SLC2A13: variants seen among roughly 807,000 people sequenced by gnomAD.
The protein encoded by SLC2A13 is solute carrier family 2 member 13.
In SLC2A13, 32 loss-of-function variants were observed where a neutral mutation model predicts 64.4. The observed-to-expected ratio is 0.50, with a 90% confidence interval of 0.37 to 0.67. The LOEUF is 0.67. SLC2A13 is among the 30% of genes least tolerant of loss of function. SLC2A13 has a pLI of 0.00. For synonymous variants in SLC2A13, 338 were observed against 327.1 expected (o/e 1.03, Z -0.36); for missense variants, 743 against 829.2 (o/e 0.90, Z 1.28).
chr12:39,830,365 G>C, intron 6 of SLC2A13, 137 bp from the exon 7 acceptor site: 3 of 1,437,154 alleles, frequency 2.1e-6, no homozygotes, highest in Non-Finnish European at 2.7e-6. Flanking sequence ...TTTGGCCAAG[G>C]AAAGTGACAT....
chr12:39,959,827 A>C (rs1344117933), intron 3 of SLC2A13, among the ~76,000 whole-genome samples: 2 of 152,000 alleles, frequency 1.3e-5, no homozygotes, highest in African/African-American at 4.8e-5. Flanking sequence ...ATTTTATTTT[A>C]CTTTAAGTTC....
chr12:39,962,599 C>G (rs935818417), intron 3 of SLC2A13, among the ~76,000 whole-genome samples: 7 of 152,324 alleles, frequency 4.6e-5, no homozygotes, highest in South Asian at 2.1e-4. Context: ...GACAGACACA[C>G]TTGACTGATG....
chr12:40,088,560 T>C (rs78319362), intron 1 of SLC2A13, among the ~76,000 whole-genome samples: 1 of 152,332 alleles, frequency 6.6e-6, no homozygotes, highest in East Asian at 1.9e-4. Context: ...GGAGTTAGTC[T>C]AGCTGTAGAA....
chr12:39,776,561 G>A (rs1234773530), intron 7 of SLC2A13, among the ~76,000 whole-genome samples: 1 of 152,196 alleles, frequency 6.6e-6, no homozygotes, highest in Non-Finnish European at 1.5e-5. Flanking sequence ...GAATGACAGA[G>A]AAGCCTGTAG....
intron 4 of SLC2A13, among the ~76,000 whole-genome samples, chr12:39,931,742 G>A (rs1179534116): frequency 5.3e-5 from 8 of 151,982 alleles, no homozygotes; most frequent in African/African-American, 7.3e-5. Context: ...CAACTAGTAC[G>A]TTAGGAATGG....
chr12:40,063,496 C>T (rs896242954), intron 1 of SLC2A13, among the ~76,000 whole-genome samples: 1 of 151,476 alleles, frequency 6.6e-6, no homozygotes, highest in African/African-American at 2.4e-5. Flanking sequence ...AAAAAAGCAG[C>T]TGCTATGTCT....
At chr12:39,770,274 T>C (rs760200826) in intron 7 of SLC2A13, among the ~76,000 whole-genome samples, 3 of 152,098 alleles carry the variant, frequency 2.0e-5, no homozygotes, top group African/African-American at 7.2e-5. Flanking sequence ...ACTGATGGAA[T>C]TTAGGTACCT....
At chr12:39,948,437 A>T (rs1305463276) in intron 4 of SLC2A13, among the ~76,000 whole-genome samples, 1 of 152,152 alleles carries the variant, frequency 6.6e-6, no homozygotes, top group Non-Finnish European at 1.5e-5. Flanking sequence ...GTCAAATGTG[A>T]CAGAATAGTA....
intron 1 of SLC2A13, among the ~76,000 whole-genome samples, chr12:40,050,288 T>C (rs1379128890): frequency 6.6e-6 from 1 of 152,212 alleles, no homozygotes; most frequent in Admixed American, 6.5e-5. Context: ...TATTTAGCCA[T>C]GTAGCCCCAG....
chr12:40,080,837 A>G (rs895699125), intron 1 of SLC2A13, among the ~76,000 whole-genome samples: 6 of 152,222 alleles, frequency 3.9e-5, no homozygotes, highest in African/African-American at 1.4e-4. Flanking sequence ...GTGGCAGATA[A>G]TAGTATTTCA....
At chr12:39,872,043 A>G in intron 4 of SLC2A13, 82 bp from the exon 5 acceptor site, 1 of 1,238,432 alleles carries the variant, frequency 8.1e-7, no homozygotes, top group Non-Finnish European at 1.1e-6. Context: ...GATGTATTCA[A>G]TTTGAAAAAA....
intron 7 of SLC2A13, among the ~76,000 whole-genome samples, chr12:39,798,681 T>G (rs1334644680): frequency 6.6e-6 from 1 of 152,188 alleles, no homozygotes; most frequent in Non-Finnish European, 1.5e-5. Flanking sequence ...GCTGAAAGAC[T>G]CGTGAGACAG....
intron 4 of SLC2A13, among the ~76,000 whole-genome samples, chr12:39,915,851 T>A (rs1386073188): frequency 1.3e-5 from 2 of 151,946 alleles, no homozygotes; most frequent in East Asian, 3.9e-4. Flanking sequence ...TTATGTCACA[T>A]AAAGAGCTCA....
intron 3 of SLC2A13, among the ~76,000 whole-genome samples, chr12:39,958,274 C>T (rs749306281): frequency 3.9e-5 from 6 of 152,210 alleles, no homozygotes; most frequent in Non-Finnish European, 7.3e-5. Context: ...CTTTCTACTG[C>T]CTGTCTGGCT....
intron 7 of SLC2A13, among the ~76,000 whole-genome samples, chr12:39,771,026 A>G (rs1940547653): frequency 6.6e-6 from 1 of 152,176 alleles, no homozygotes; most frequent in Admixed American, 6.5e-5. Flanking sequence ...TGCTTATGTT[A>G]GAGAACGTAC....
At chr12:39,776,654 A>G (rs1592126725) in intron 7 of SLC2A13, among the ~76,000 whole-genome samples, 1 of 152,142 alleles carries the variant, frequency 6.6e-6, no homozygotes, top group African/African-American at 2.4e-5. Flanking sequence ...TAGAAGAGAA[A>G]CCAAACACAG....
At chr12:39,803,126 C>CCATTGTAA in intron 7 of SLC2A13, among the ~76,000 whole-genome samples, 1 of 151,288 alleles carries the variant, frequency 6.6e-6, no homozygotes, top group African/African-American at 2.4e-5. Context: ...TATAAGGCAG[C>CCATTGTAA]CATTGTAAAT....
chr12:39,997,652 A>G lies in SLC2A13; in HGVS notation c.925+30649T>C, dbSNP rs28740214. On this transcript the variant is annotated intron_variant, in intron 3 of 9. Transcript: ENST00000280871. ...GAGACCATCCTGGCTAACATGGTGA[A>G]ACCCCATCTCTACTAAAAAATACAA... Among the ~76,000 whole-genome samples, 1,463 of 152,222 alleles carry G rather than the reference A, an allele frequency of 9.6e-3. 18 individuals are homozygous for G. Among genetic ancestry groups the G allele is most frequent in the African/African-American group, 0.034 (1,392 of 41,518 alleles).
At chr12:40,028,140 T>G (rs193206781) in intron 3 of SLC2A13, among the ~76,000 whole-genome samples, 161 bp downstream of exon 3, 1 of 151,936 alleles carries the variant, frequency 6.6e-6, no homozygotes, top group Non-Finnish European at 1.5e-5. Context: ...ATAATACATA[T>G]ATAATTTTAT....
Sources: gnomAD v4.1 joint callset for allele counts (sites outside exome capture counted in the v4.1 genomes callset) on GRCh38, gnomAD v4.1.1 for gene constraint, MANE v1.5 for transcripts, NCBI Gene and HGNC (gene_info 2026-07-23, HGNC 2026-07-21) for gene names.